The following CD6 variants were observed in gnomAD, a reference collection of about 807,000 sequenced individuals.
CD6 encodes T-cell differentiation antigen CD6.
Under a neutral mutation model 75.3 loss-of-function variants are expected in CD6, and 53 were observed. That is an observed-to-expected ratio of 0.70 (90% CI 0.56 to 0.88). The LOEUF is 0.88. CD6 is among the 40% of genes least tolerant of loss of function. CD6 has a pLI of 0.00. For missense variants in CD6, 770 were observed against 897.1 expected, an observed-to-expected ratio of 0.86 and a Z score of 1.81; for synonymous variants, 359 against 381.5, an observed-to-expected ratio of 0.94 and a Z score of 0.69.
intron 1 of CD6, among the ~76,000 whole-genome samples, chr11:60,989,051 A>T (rs879288859): frequency 2.3e-4 from 35 of 152,168 alleles, no homozygotes; most frequent in Non-Finnish European, 4.4e-4. Flanking sequence ...TCCCACCTCC[A>T]GGTGTTTGCT....
chr11:60,974,474 T>C (rs1265315027), intron 1 of CD6, among the ~76,000 whole-genome samples: 1 of 152,212 alleles, frequency 6.6e-6, no homozygotes, highest in Admixed American at 6.5e-5. Flanking sequence ...CTCAATCTCC[T>C]GACCTCGTGA....
At chr11:61,018,265 G>T in intron 11 of CD6, 24 bp from the exon 12 acceptor site, 3 of 1,556,546 alleles carry the variant, frequency 1.9e-6, no homozygotes, top group Non-Finnish European at 2.6e-6. Flanking sequence ...CTGGCAGAGG[G>T]TGACTGGTTC....
Position 61,009,614 on chromosome 11 carries a change from A to G in CD6, c.824A>G (p.Glu275Gly). 1 of 1,612,980 alleles carries G rather than the reference A, an allele frequency of 6.2e-7. No individual in the cohort carries two copies. ...CTGACAGGGGGCGCTGACCGCTGCGAGGGGCAGGTGGAGGTACACTTCCGA... is the reference window on the plus strand; with the variant it reads ...CTGACAGGGGGCGCTGACCGCTGCGGGGGGCAGGTGGAGGTACACTTCCGA... ...WRLTGGADRC[E>G]GQVEVHFRGV... Residue 275 changes from glutamate to glycine, a missense_variant, in exon 5 of 13, where the codon GAG becomes GGG. Coordinates refer to ENST00000313421, the MANE Select transcript of CD6 (RefSeq NM_006725.5).
intron 1 of CD6, among the ~76,000 whole-genome samples, chr11:60,995,032 C>T (rs1858233448): frequency 6.6e-6 from 1 of 152,204 alleles, no homozygotes; most frequent in African/African-American, 2.4e-5. Flanking sequence ...AACCGGGTGT[C>T]ACAGGCTCTT....
At chr11:60,996,296 G>A (rs75983664) in intron 1 of CD6, among the ~76,000 whole-genome samples, 7,401 of 152,228 alleles carry the variant, frequency 0.049, 588 homozygotes, top group African/African-American at 0.17. Context: ...GCAGTGGGAA[G>A]CATCACAACA....
In CD6 at chr11:61,007,433, A is replaced by T; in HGVS notation, c.119-127A>T. Reference sequence around the variant, plus strand: ...GAGCCAGCCCGGCTCCATTTTGCAGACTGGAAAGCTGAGACCCCTAGCCAG... The same window carrying T: ...GAGCCAGCCCGGCTCCATTTTGCAGTCTGGAAAGCTGAGACCCCTAGCCAG... On this transcript the variant is annotated intron_variant, in intron 2 of 12. Coordinates refer to ENST00000313421, the MANE Select transcript of CD6 (RefSeq NM_006725.5). This position sits in a 1 kb window ranked among gnomAD's most constrained non-coding sequence, Gnocchi z 4.2. 1.4e-6 allele frequency: 1 copy of T among 701,300 alleles called. No individual in the cohort carries two copies. Among genetic ancestry groups the T allele is most frequent in the Non-Finnish European group, 2.1e-6 (1 of 471,208 alleles). 43.4% of individuals were successfully genotyped at this position (701,300 alleles called of 1,614,324 possible).
At chr11:61,018,799 G>A (rs1859546750) in intron 12 of CD6, 1 of 255,828 alleles carries the variant, frequency 3.9e-6, no homozygotes, top group Non-Finnish European at 7.5e-6. Context: ...TGCCCCTGCA[G>A]GGTCAGAGCA....
rs187606263 is a variant in CD6, at chr11:61,008,878, T to C, written c.781+33T>C. On this transcript the variant is annotated intron_variant, in intron 4 of 12. Transcript: ENST00000313421. ...GGCGGAGTCACTGAAGCCCGGTCAC[T>C]ACCAACACTCACCATAGGCCTACTG... The C allele has an allele frequency of 8.7e-6, 13 of 1,488,942 alleles. No individual in the cohort carries two copies. In the Admixed American group the frequency reaches 2.1e-4, roughly 24 times the overall value. 92.2% of individuals were successfully genotyped at this position (1,488,942 alleles called of 1,614,324 possible).
intron 1 of CD6, chr11:60,982,749 T>C (rs1857626819): frequency 4.4e-6 from 2 of 455,862 alleles, no homozygotes; most frequent in Non-Finnish European, 8.8e-6. Flanking sequence ...CCATCTCCTG[T>C]TTGTCAGAGG....
intron 1 of CD6, among the ~76,000 whole-genome samples, chr11:60,982,067 GC>G (rs1346930870): frequency 6.9e-4 from 12 of 17,346 alleles, no homozygotes; most frequent in East Asian, 3.7e-3. Flanking sequence ...TGCCAGGGTG[GC>G]GGGGGGGGGG....
chr11:60,982,786 C>A (rs966617677), intron 1 of CD6: 5 of 455,122 alleles, frequency 1.1e-5, no homozygotes, highest in African/African-American at 2.0e-5. Flanking sequence ...AAGTGGGGAA[C>A]GACATGCCCC....
chr11:61,009,533 G>T (rs763407499), intron 4 of CD6, 39 bp from the exon 5 acceptor site: 14 of 1,526,776 alleles, frequency 9.2e-6, no homozygotes, highest in Admixed American at 2.0e-5. Flanking sequence ...CTGCCCAAAG[G>T]ATTCTGACCT....
intron 1 of CD6, among the ~76,000 whole-genome samples, chr11:60,985,702 C>T (rs1857786633): frequency 6.6e-6 from 1 of 152,158 alleles, no homozygotes. Flanking sequence ...TGATGCCTGT[C>T]ATGCCAGCAC....
chr11:61,001,490 C>T (rs777518911), intron 1 of CD6, among the ~76,000 whole-genome samples: 5 of 152,092 alleles, frequency 3.3e-5, no homozygotes, highest in Non-Finnish European at 5.9e-5. Flanking sequence ...CGTGAGCCAC[C>T]GTGCCTGGCC....
At chr11:61,014,266 C>T (rs189796633) in intron 8 of CD6, among the ~76,000 whole-genome samples, 1 of 152,286 alleles carries the variant, frequency 6.6e-6, no homozygotes, top group East Asian at 1.9e-4. Flanking sequence ...AGGCAAAGCA[C>T]GTTTTAGATC....
intron 12 of CD6, chr11:61,018,931 C>T: frequency 2.8e-6 from 1 of 362,072 alleles, no homozygotes; most frequent in Non-Finnish European, 5.0e-6. Flanking sequence ...AGTGAGCTCC[C>T]TGTCAGTGGA....
chr11:61,008,957 A>C, intron 4 of CD6, 112 bp downstream of exon 4: 2 of 918,032 alleles, frequency 2.2e-6, no homozygotes, highest in Non-Finnish European at 3.1e-6. Context: ...TTGAGATGTC[A>C]CAGTTCAGGA....
chr11:60,989,460 G>C (rs1857970776), intron 1 of CD6: 1 of 152,476 alleles, frequency 6.6e-6, no homozygotes, highest in African/African-American at 2.4e-5. Flanking sequence ...ACCACTTGCA[G>C]AGCAGCCCTG....
chr11:60,999,400 A>G (rs139143428), intron 1 of CD6, among the ~76,000 whole-genome samples: 5,404 of 151,010 alleles, frequency 0.036, 143 homozygotes, highest in Non-Finnish European at 0.057. Context: ...CACATGAAAA[A>G]AAATCTCAGG....
Sources: allele counts gnomAD v4.1 joint callset (sites outside exome capture counted in the v4.1 genomes callset), GRCh38; gene constraint gnomAD v4.1.1; non-coding constraint Gnocchi (gnomAD v3.1); transcripts MANE v1.5; gene names NCBI Gene and HGNC (gene_info 2026-07-23, HGNC 2026-07-21).